OCA2: variants seen among roughly 807,000 people sequenced by gnomAD.
The protein encoded by OCA2 is P protein.
A neutral mutation model predicts 100.2 loss-of-function variants in OCA2; 77 were observed. The ratio of observed to expected loss-of-function variants is 0.77; its 90% CI spans 0.64 to 0.93. OCA2 has a LOEUF of 0.93. Ranked by LOEUF, OCA2 falls within the 40% of genes least tolerant of loss-of-function variation. OCA2 has a pLI of 0.00. For missense variants in OCA2, 1,062 were observed against 1,089.1 expected (o/e 0.98, Z 0.35); for synonymous variants, 432 against 439.2 (o/e 0.98, Z 0.21).
chr15:28,049,233 C>G (rs1357087522), intron 2 of OCA2, among the ~76,000 whole-genome samples: 2 of 152,132 alleles, frequency 1.3e-5, no homozygotes, highest in Non-Finnish European at 2.9e-5. Context: ...AGATGCTCAA[C>G]ATCATTAGTC....
intron 19 of OCA2, among the ~76,000 whole-genome samples, chr15:27,884,611 T>C (rs936405125): frequency 6.6e-6 from 1 of 152,216 alleles, no homozygotes; most frequent in African/African-American, 2.4e-5. Flanking sequence ...TGTTGTTCAT[T>C]CACATTGGAA....
intron 2 of OCA2, among the ~76,000 whole-genome samples, chr15:28,081,088 C>A (rs558853595): frequency 6.6e-6 from 1 of 152,210 alleles, no homozygotes; most frequent in South Asian, 2.1e-4. Context: ...ACACTCGGAC[C>A]ACACAGGGGC....
At chr15:28,075,287 G>C (rs2044395899) in intron 2 of OCA2, among the ~76,000 whole-genome samples, 1 of 152,148 alleles carries the variant, frequency 6.6e-6, no homozygotes, top group African/African-American at 2.4e-5. Context: ...AAAAAAAGTT[G>C]TGTTGAGAAT....
chr15:27,999,055 G>A (rs1462531392), intron 9 of OCA2, among the ~76,000 whole-genome samples: 4 of 151,848 alleles, frequency 2.6e-5, no homozygotes, highest in African/African-American at 9.7e-5. Context: ...GTTGTGGGGT[G>A]GGGAGAGGGG....
intron 19 of OCA2, among the ~76,000 whole-genome samples, chr15:27,906,288 C>T (rs1282353211): frequency 2.0e-5 from 3 of 151,980 alleles, no homozygotes; most frequent in Non-Finnish European, 4.4e-5. Context: ...TCACATGTCC[C>T]CCATAAATAT....
Position 27,926,071 on chromosome 15 carries a change from A to G in OCA2, c.2079+56T>C. On this transcript the variant is annotated intron_variant, in intron 19 of 23. Coordinates refer to ENST00000354638, the MANE Select transcript of OCA2 (RefSeq NM_000275.3). ...AGGCTTTCTTCATTCACCAAATAAAACATGAAATACAAAAATCAGGTAAAA... is the reference window on the plus strand; with the variant it reads ...AGGCTTTCTTCATTCACCAAATAAAGCATGAAATACAAAAATCAGGTAAAA... 4.4e-6 allele frequency: 7 copies of G among 1,593,766 alleles called. 1 individual carries two copies. The South Asian group carries it at 7.7e-5, about 18-fold the overall frequency.
intron 1 of OCA2, among the ~76,000 whole-genome samples, chr15:28,093,793 T>G (rs1039223588): frequency 6.6e-6 from 1 of 152,114 alleles, no homozygotes. Context: ...CACAGCAACG[T>G]AGAGGAATCC....
intron 23 of OCA2, among the ~76,000 whole-genome samples, chr15:27,761,274 C>G (rs1285736873): frequency 6.6e-6 from 1 of 151,898 alleles, no homozygotes; most frequent in African/African-American, 2.4e-5. Context: ...ACATTCAAAC[C>G]TTATTTTTTC....
chr15:27,746,795 C>T, the OCA2 span, among the ~76,000 whole-genome samples: 1 of 152,206 alleles, frequency 6.6e-6, no homozygotes, highest in East Asian at 1.9e-4. Flanking sequence ...ATGTACTCCC[C>T]TCTCTCCCAC....
intron 15 of OCA2, among the ~76,000 whole-genome samples, chr15:27,964,531 C>A (rs1567165309): frequency 6.6e-6 from 1 of 152,192 alleles, no homozygotes; most frequent in African/African-American, 2.4e-5. Context: ...GCCTTCAAGG[C>A]TAGCCGCTCA....
chr15:27,750,559 T>C (rs4312267), downstream of OCA2, among the ~76,000 whole-genome samples: 41,010 of 152,200 alleles, frequency 0.27, 7,644 homozygotes, highest in African/African-American at 0.53. Flanking sequence ...GAGAATCCAG[T>C]GGACACTTCC....
intron 23 of OCA2, among the ~76,000 whole-genome samples, chr15:27,767,947 G>A (rs2031399741): frequency 6.6e-6 from 1 of 152,232 alleles, no homozygotes; most frequent in Non-Finnish European, 1.5e-5. Flanking sequence ...GCACACCTCT[G>A]TTTGGACTTG....
chr15:27,924,974 C>T (rs143371451), intron 19 of OCA2, among the ~76,000 whole-genome samples: 36 of 152,050 alleles, frequency 2.4e-4, no homozygotes, highest in Non-Finnish European at 4.7e-4. Context: ...GACCCTAAGA[C>T]AAAAACATTA....
chr15:28,009,984 T>C (rs1002018266), intron 9 of OCA2, among the ~76,000 whole-genome samples: 7 of 152,184 alleles, frequency 4.6e-5, no homozygotes, highest in African/African-American at 1.7e-4. Flanking sequence ...GGGAAAATTA[T>C]AGTAATAAAC....
At chr15:27,970,499 G>A (rs1157555495) in intron 14 of OCA2, among the ~76,000 whole-genome samples, 1 of 151,176 alleles carries the variant, frequency 6.6e-6, no homozygotes, top group Non-Finnish European at 1.5e-5. Flanking sequence ...GGGAAAATAT[G>A]AAGAAGGTCC....
chr15:27,819,711 T>C (rs2034433262), intron 23 of OCA2, among the ~76,000 whole-genome samples: 1 of 114,774 alleles, frequency 8.7e-6, no homozygotes, highest in Non-Finnish European at 2.0e-5. Context: ...GACCAATGTA[T>C]ATAAATGTGT....
At chr15:28,024,759 A>C (rs1244376838) in intron 5 of OCA2, 86 bp downstream of exon 5, 1 of 1,380,088 alleles carries the variant, frequency 7.2e-7, no homozygotes, top group African/African-American at 1.4e-5. Context: ...TGAGCCCCAC[A>C]CCTCAGGTTC....
downstream of OCA2, among the ~76,000 whole-genome samples, chr15:27,754,540 C>T (rs1179107544): frequency 6.6e-6 from 1 of 152,184 alleles, no homozygotes; most frequent in African/African-American, 2.4e-5. Flanking sequence ...ACAGGGCTCC[C>T]CCTTGGTCTT....
rs908073749 is a variant in OCA2 at position 27,804,249 on chromosome 15, G to A, written c.2432+40710C>T. Reference sequence around the variant, plus strand: ...AATTGTGAGAAGAACAGCAAACTGCGGCGTTCTACCCTTGTCTACTATGAA... The same window carrying A: ...AATTGTGAGAAGAACAGCAAACTGCAGCGTTCTACCCTTGTCTACTATGAA... On this transcript the variant is annotated intron_variant, in intron 23 of 23. Transcript: ENST00000354638. Among the ~76,000 whole-genome samples, 7 of 152,246 alleles carry A rather than the reference G, an allele frequency of 4.6e-5. No individual in the cohort carries two copies. The South Asian group carries it at 6.2e-4, about 14-fold the overall frequency.
Sources: gnomAD v4.1 joint callset for allele counts (sites outside exome capture counted in the v4.1 genomes callset) on GRCh38, gnomAD v4.1.1 for gene constraint, MANE v1.5 for transcripts, NCBI Gene and HGNC (gene_info 2026-07-23, HGNC 2026-07-21) for gene names.